Variants in PLEKHM3 observed in about 807,000 individuals in gnomAD.
PLEKHM3 encodes the protein pleckstrin homology domain containing M3.
A neutral mutation model predicts 81.8 loss-of-function variants in PLEKHM3; 45 were observed. The ratio of observed to expected loss-of-function variants is 0.55; its 90% CI spans 0.43 to 0.71. The LOEUF (loss-of-function observed/expected upper bound fraction) is 0.71. Among genes scored for constraint, PLEKHM3 ranks in the 30% least tolerant of loss-of-function variants. The pLI is 0.00. For missense variants in PLEKHM3, 788 were observed against 924.3 expected, an observed-to-expected ratio of 0.85 and a Z score of 1.91; for synonymous variants, 352 against 356.4, an observed-to-expected ratio of 0.99 and a Z score of 0.14.
chr2:208,019,396 C>T (rs932568593), intron 1 of PLEKHM3, among the ~76,000 whole-genome samples: 1 of 152,122 alleles, frequency 6.6e-6, no homozygotes, highest in Non-Finnish European at 1.5e-5. Context: ...CCATCACCCT[C>T]ATCTTCTTTA....
At chr2:207,884,229 T>C (rs1361050900) in intron 6 of PLEKHM3, among the ~76,000 whole-genome samples, 3 of 138,702 alleles carry the variant, frequency 2.2e-5, no homozygotes, top group Non-Finnish European at 4.5e-5. Context: ...ACAGTTAACA[T>C]CACACTTAAT....
At chr2:207,978,792 C>T (rs796069887) in intron 2 of PLEKHM3, among the ~76,000 whole-genome samples, 23 of 152,348 alleles carry the variant, frequency 1.5e-4, no homozygotes, top group African/African-American at 4.3e-4. Flanking sequence ...CACATGCATG[C>T]ATGCCTGAGT....
chr2:208,022,464 C>G (rs1162821242), intron 1 of PLEKHM3, among the ~76,000 whole-genome samples: 1 of 152,114 alleles, frequency 6.6e-6, no homozygotes, highest in East Asian at 1.9e-4. Context: ...TTAATAGAAA[C>G]TCAGGTAAAG....
intron 5 of PLEKHM3, among the ~76,000 whole-genome samples, chr2:207,919,050 A>G (rs996761787): frequency 1.3e-5 from 2 of 152,214 alleles, no homozygotes; most frequent in Admixed American, 6.5e-5. Flanking sequence ...TTTAAAACAC[A>G]GTGGTAAAGG....
At chr2:207,861,286 G>A in intron 6 of PLEKHM3, 24 bp from the exon 7 acceptor site, 1 of 1,611,106 alleles carries the variant, frequency 6.2e-7, no homozygotes, top group East Asian at 2.2e-5. Flanking sequence ...AATGGGACAG[G>A]GAAGCACATT....
chr2:207,901,405 A>G (rs1688421757), intron 6 of PLEKHM3: 1 of 697,218 alleles, frequency 1.4e-6, no homozygotes, highest in African/African-American at 1.8e-5. Context: ...CCCCATCACC[A>G]AAACACCAGA....
chr2:208,001,831 G>C lies in PLEKHM3; in HGVS notation c.-192C>G. ...TCCTGGTAATTAAAAGCATTTGCTA[G>C]TGGCTAATGGGCATTAACAGATGTA... is the stretch of plus-strand genomic sequence containing the variant. On this transcript the variant is annotated 5_prime_UTR_variant, in exon 2 of 8. Transcript: ENST00000427836. 3.7e-6 allele frequency: 3 copies of C among 812,582 alleles called. No homozygotes were observed. The highest frequency in any genetic ancestry group is 5.6e-6 in the Non-Finnish European group (3 of 533,240). 50.3% of individuals were successfully genotyped at this position (812,582 alleles called of 1,614,324 possible). A position where few individuals can be genotyped will look rare whatever the true frequency, so the allele number is the denominator to read the frequency against.
At chr2:207,978,578 C>T (rs150943341) in intron 2 of PLEKHM3, among the ~76,000 whole-genome samples, 2 of 152,098 alleles carry the variant, frequency 1.3e-5, no homozygotes, top group South Asian at 2.1e-4. Flanking sequence ...AGTTCATGGG[C>T]CTTCTGTCTA....
chr2:207,884,133 C>T (rs1454211059), intron 6 of PLEKHM3, among the ~76,000 whole-genome samples: 1 of 150,280 alleles, frequency 6.7e-6, no homozygotes, highest in East Asian at 2.0e-4. Flanking sequence ...ACCCCCGTCC[C>T]CACCCCCACC....
intron 1 of PLEKHM3, among the ~76,000 whole-genome samples, chr2:208,012,917 C>T (rs774539395): frequency 1.3e-5 from 2 of 152,196 alleles, no homozygotes; most frequent in Admixed American, 6.5e-5. Context: ...TTATAGAGGA[C>T]GGACCAAGTA....
chr2:207,949,792 T>C (rs1690269687), intron 3 of PLEKHM3, among the ~76,000 whole-genome samples: 1 of 152,226 alleles, frequency 6.6e-6, no homozygotes, highest in South Asian at 2.1e-4. Flanking sequence ...AAATTTTTTT[T>C]GATATAACAG....
intron 6 of PLEKHM3, among the ~76,000 whole-genome samples, chr2:207,870,515 A>T (rs145591729): frequency 0.018 from 2,695 of 152,376 alleles, 40 homozygotes; most frequent in Non-Finnish European, 0.022. Flanking sequence ...TGGCTTGACG[A>T]AATGGAAGAA....
At chr2:207,936,010 G>A (rs993504109) in intron 4 of PLEKHM3, among the ~76,000 whole-genome samples, 1 of 152,182 alleles carries the variant, frequency 6.6e-6, no homozygotes, top group Non-Finnish European at 1.5e-5. Context: ...ACAAGGTTTT[G>A]CTCTGTTACC....
chr2:207,956,994 G>C (rs1339451104), intron 3 of PLEKHM3, among the ~76,000 whole-genome samples: 1 of 152,070 alleles, frequency 6.6e-6, no homozygotes, highest in Non-Finnish European at 1.5e-5. Context: ...GAAAGAAAGA[G>C]AAGGAGATAG....
At chr2:207,912,954 T>A in intron 5 of PLEKHM3, among the ~76,000 whole-genome samples, 1 of 152,188 alleles carries the variant, frequency 6.6e-6, no homozygotes, top group Non-Finnish European at 1.5e-5. Flanking sequence ...CTCAGGAAAG[T>A]GTGGGCCCCG....
At chr2:207,890,436 TG>T (rs1688027213) in intron 6 of PLEKHM3, among the ~76,000 whole-genome samples, 1 of 152,136 alleles carries the variant, frequency 6.6e-6, no homozygotes, top group Non-Finnish European at 1.5e-5. Context: ...GAGACCAGCC[TG>T]GCCAACATGG....
intron 7 of PLEKHM3, among the ~76,000 whole-genome samples, chr2:207,837,942 T>C (rs930787788): frequency 4.0e-5 from 6 of 151,024 alleles, no homozygotes; most frequent in African/African-American, 1.5e-4. Context: ...GGCTAATTTT[T>C]TGTATTTTTA....
chr2:207,841,610 T>A (rs1275850013), intron 7 of PLEKHM3, among the ~76,000 whole-genome samples: 4 of 150,804 alleles, frequency 2.7e-5, no homozygotes, highest in African/African-American at 9.7e-5. Context: ...ATGTAAGGTG[T>A]ATGGGCAGCA....
chr2:207,956,233 A>G lies in PLEKHM3; in HGVS notation c.1547-9721T>C, dbSNP rs182464912. On this transcript the variant is annotated intron_variant, in intron 3 of 7. Coordinates refer to ENST00000427836, the MANE Select transcript of PLEKHM3 (RefSeq NM_001080475.3). ...ATAAGATATAGCACTTTGGGAGGCT[A>G]AGGCAGGCAGATCACGAGGTCAGGA... Among the ~76,000 whole-genome samples the G allele has an allele frequency of 3.9e-5, 6 of 152,228 alleles. No individual in the cohort carries two copies. In the East Asian group the frequency reaches 1.2e-3, roughly 29 times the overall value.
Sources: allele counts gnomAD v4.1 joint callset (sites outside exome capture counted in the v4.1 genomes callset), GRCh38; gene constraint gnomAD v4.1.1; transcripts MANE v1.5; gene names NCBI Gene and HGNC (gene_info 2026-07-23, HGNC 2026-07-21).